The following COL4A4 variants were observed in gnomAD, a reference collection of about 807,000 sequenced individuals.
COL4A4 encodes collagen alpha-4(IV) chain.
Under a neutral mutation model 192.9 loss-of-function variants are expected in COL4A4, and 105 were observed. The observed-to-expected ratio is 0.54, with a 90% CI of 0.46 to 0.64. The LOEUF (loss-of-function observed/expected upper bound fraction) is 0.64. Among genes scored for constraint, COL4A4 ranks in the 30% least tolerant of loss-of-function variants. The pLI, the probability that COL4A4 is intolerant of heterozygous loss-of-function variation, is 0.00. For missense variants in COL4A4, 1,967 were observed against 2,169.3 expected, an observed-to-expected ratio of 0.91 and a Z score of 1.85; for synonymous variants, 762 against 769.9, an observed-to-expected ratio of 0.99 and a Z score of 0.17.
chr2:227,006,570 A>G lies in COL4A4; in HGVS notation c.*755T>C, dbSNP rs191394048. On this transcript the variant is annotated 3_prime_UTR_variant, in exon 48 of 48. Coordinates refer to ENST00000396625, the MANE Select transcript of COL4A4 (RefSeq NM_000092.5). ...TGAATATTTTTTTTCCATAATTGCT[A>G]CTTTTCAAAAGGGTTGCCAAAGTAG... 190 of 152,102 alleles carry G rather than the reference A, an allele frequency of 1.2e-3. 3 individuals are homozygous for G. Among genetic ancestry groups the G allele is most frequent in the African/African-American group, 4.5e-3 (186 of 41,476 alleles). The allele number at this position is 152,102 out of a possible 1,614,324, so 9.4% of individuals were successfully genotyped here.
intron 31 of COL4A4, 113 bp downstream of exon 31, chr2:227,054,478 AAGG>A: frequency 1.7e-6 from 2 of 1,157,988 alleles, no homozygotes; most frequent in Non-Finnish European, 2.6e-6. Context: ...ATAGAACTAA[AAGG>A]AGGAGGAATC....
chr2:226,998,975 ATCC>A (rs1432094464), downstream of COL4A4: 4 of 152,352 alleles, frequency 2.6e-5, no homozygotes, highest in East Asian at 7.7e-4. Flanking sequence ...GCCCATTCAG[ATCC>A]TCCTCATCCA....
intron 24 of COL4A4, among the ~76,000 whole-genome samples, chr2:227,080,223 G>T (rs1428805915): frequency 6.6e-6 from 1 of 152,190 alleles, no homozygotes; most frequent in African/African-American, 2.4e-5. Context: ...CGAAAGTCCT[G>T]CTAGGACTGA....
the COL4A4 span, among the ~76,000 whole-genome samples, chr2:226,990,524 T>C: frequency 2.0e-5 from 3 of 152,210 alleles, no homozygotes; most frequent in Admixed American, 1.3e-4. Flanking sequence ...GATCTATGAA[T>C]AGCAGCAAAT....
chr2:227,164,432 C>T (rs886055732), upstream of COL4A4: 2 of 527,690 alleles, frequency 3.8e-6, no homozygotes, highest in Middle Eastern at 5.1e-4. This position sits in a 1 kb window ranked among gnomAD's most constrained non-coding sequence, Gnocchi z 4.8. Context: ...AGGCGCCCAG[C>T]CCTTTCTCGC....
chr2:227,132,078 A>G (rs983116995), intron 4 of COL4A4, among the ~76,000 whole-genome samples: 1 of 152,264 alleles, frequency 6.6e-6, no homozygotes, highest in Non-Finnish European at 1.5e-5. Context: ...CTTCTCCTTC[A>G]GACTGTGGCT....
At chr2:227,104,123 G>T in intron 12 of COL4A4, 71 bp from the exon 13 acceptor site, 1 of 1,249,070 alleles carries the variant, frequency 8.0e-7, no homozygotes, top group Non-Finnish European at 1.2e-6. Flanking sequence ...CCCATGTATT[G>T]TGGTATAATG....
At chr2:226,984,381 C>T in the COL4A4 span, among the ~76,000 whole-genome samples, 2 of 152,222 alleles carry the variant, frequency 1.3e-5, no homozygotes, top group African/African-American at 2.4e-5. Flanking sequence ...TGGCTGCCTT[C>T]TCACTGTGAC....
chr2:226,968,589 G>T, the COL4A4 span, among the ~76,000 whole-genome samples: 1 of 152,190 alleles, frequency 6.6e-6, no homozygotes, highest in Non-Finnish European at 1.5e-5. Context: ...AACCTGAGAT[G>T]GTGGCTTAGC....
intron 13 of COL4A4, among the ~76,000 whole-genome samples, chr2:227,103,640 A>G (rs1421194485): frequency 6.6e-6 from 1 of 152,222 alleles, no homozygotes; most frequent in Non-Finnish European, 1.5e-5. Context: ...CAAGACATCA[A>G]ACTCATCTGT....
chr2:227,120,280 G>A (rs551492613), intron 5 of COL4A4, among the ~76,000 whole-genome samples: 2 of 152,292 alleles, frequency 1.3e-5, no homozygotes, highest in East Asian at 3.9e-4. Context: ...ACTACCCAAA[G>A]TTGGGGTAGA....
chr2:227,022,277 T>TAGTACAAATTCAGTATAAAATTC (rs1477554814), intron 43 of COL4A4, 104 bp from the exon 44 acceptor site: 37 of 1,304,434 alleles, frequency 2.8e-5, no homozygotes, highest in Non-Finnish European at 4.0e-5. Context: ...TACTGAAATT[T>TAGTACAAATTCAGTATAAAATTC]AGTACAAATT....
intron 22 of COL4A4, among the ~76,000 whole-genome samples, chr2:227,088,069 A>G (rs1333041872): frequency 6.6e-6 from 1 of 152,266 alleles, no homozygotes; most frequent in Non-Finnish European, 1.5e-5. Context: ...AAGGCCTAGA[A>G]CATAGCAGGC....
intron 37 of COL4A4, among the ~76,000 whole-genome samples, chr2:227,034,734 A>C (rs1250623959): frequency 1.1e-5 from 1 of 91,228 alleles, no homozygotes; most frequent in Non-Finnish European, 2.0e-5. Context: ...ACCCCACAAC[A>C]GTCCCCAGAG....
At chr2:226,990,958 AAAG>A in the COL4A4 span, among the ~76,000 whole-genome samples, 1 of 152,180 alleles carries the variant, frequency 6.6e-6, no homozygotes, top group Non-Finnish European at 1.5e-5. Flanking sequence ...TAAGCAGAGA[AAAG>A]AAGATCTTGG....
At chr2:227,046,915 ACT>A (rs1275109077) in intron 35 of COL4A4, among the ~76,000 whole-genome samples, 1 of 152,080 alleles carries the variant, frequency 6.6e-6, no homozygotes, top group African/African-American at 2.4e-5. Flanking sequence ...GAAGCAAAAT[ACT>A]GTTTAAAATG....
intron 44 of COL4A4, among the ~76,000 whole-genome samples, chr2:227,018,120 C>T (rs987364565): frequency 6.6e-6 from 1 of 152,166 alleles, no homozygotes; most frequent in South Asian, 2.1e-4. Flanking sequence ...TAAGCCCAAC[C>T]TTTCCTTAAG....
At chr2:226,968,408 TTTC>T in the COL4A4 span, among the ~76,000 whole-genome samples, 5 of 152,186 alleles carry the variant, frequency 3.3e-5, no homozygotes, top group Admixed American at 1.3e-4. Context: ...ACAAGCAGAA[TTTC>T]TTCTTCTTCA....
At chr2:226,985,498 A>T in the COL4A4 span, among the ~76,000 whole-genome samples, 1 of 152,246 alleles carries the variant, frequency 6.6e-6, no homozygotes, top group Admixed American at 6.5e-5. Flanking sequence ...CAGCAGATTT[A>T]ATGTCATAGG....
Sources: allele counts gnomAD v4.1 joint callset (sites outside exome capture counted in the v4.1 genomes callset), GRCh38; gene constraint gnomAD v4.1.1; non-coding constraint Gnocchi (gnomAD v3.1); transcripts MANE v1.5; gene names NCBI Gene and HGNC (gene_info 2026-07-23, HGNC 2026-07-21).